The following OTUD7A variants were observed in gnomAD, a reference collection of about 807,000 sequenced individuals.
OTUD7A encodes OTU deubiquitinase 7A.
Under a neutral mutation model 65.7 loss-of-function variants are expected in OTUD7A, and 12 were observed. The ratio of observed to expected loss-of-function variants is 0.18; its 90% CI spans 0.12 to 0.30. The LOEUF is 0.30. OTUD7A is among the 10% of genes least tolerant of loss of function. The pLI, the probability that OTUD7A is intolerant of heterozygous loss-of-function variation, is 1.00. For synonymous variants in OTUD7A, 641 were observed against 586.3 expected, an observed-to-expected ratio of 1.09 and a Z score of -1.35; for missense variants, 1,148 against 1,304.8, an observed-to-expected ratio of 0.88 and a Z score of 1.85.
intron 3 of OTUD7A, among the ~76,000 whole-genome samples, chr15:31,643,132 C>G (rs1277092416): frequency 8.8e-6 from 1 of 113,188 alleles, no homozygotes; most frequent in Non-Finnish European, 2.0e-5. Flanking sequence ...CCACAGCTCA[C>G]AGATGCTTTA....
At chr15:31,848,450 T>TAA (rs200760504) in intron 1 of OTUD7A, among the ~76,000 whole-genome samples, 70 of 151,524 alleles carry the variant, frequency 4.6e-4, no homozygotes, top group African/African-American at 1.6e-3. Flanking sequence ...CTTTTTATTT[T>TAA]TAAAAAAAAA....
rs141165987 is a variant in OTUD7A at position 31,695,047 on chromosome 15, G to A, written c.-99-37970C>T. On this transcript the variant is annotated intron_variant, in intron 1 of 12. Coordinates refer to ENST00000307050, the MANE Select transcript of OTUD7A (RefSeq NM_001382637.1). ...TTTTTAGTAGAGACGGGGTTTCACCGTGTTAGCCAGGATGGTCTCGATCCC... is the reference window on the plus strand; with the variant it reads ...TTTTTAGTAGAGACGGGGTTTCACCATGTTAGCCAGGATGGTCTCGATCCC... 6.6e-3 allele frequency among the ~76,000 whole-genome samples: 1,002 copies of A among 152,116 alleles called. 11 individuals are homozygous for A. Among genetic ancestry groups the A allele is most frequent in the African/African-American group, 0.023 (971 of 41,492 alleles).
chr15:31,632,135 G>A (rs545097144), intron 3 of OTUD7A, among the ~76,000 whole-genome samples: 5 of 152,188 alleles, frequency 3.3e-5, no homozygotes, highest in Non-Finnish European at 7.3e-5. Flanking sequence ...CTGGTGAGAA[G>A]GTGCGTTCCT....
chr15:31,697,322 T>C (rs1382773714), intron 1 of OTUD7A, among the ~76,000 whole-genome samples: 1 of 140,730 alleles, frequency 7.1e-6, no homozygotes, highest in African/African-American at 2.7e-5. Flanking sequence ...ATGAATGATG[T>C]TTCTCAACCT....
intron 1 of OTUD7A, among the ~76,000 whole-genome samples, chr15:31,740,599 G>T (rs1009360320): frequency 6.6e-6 from 1 of 151,848 alleles, no homozygotes; most frequent in African/African-American, 2.4e-5. Flanking sequence ...GTTTAAAAAA[G>T]AATCCAAAAG....
intron 3 of OTUD7A, among the ~76,000 whole-genome samples, chr15:31,626,437 T>C (rs1890954255): frequency 2.0e-5 from 3 of 152,186 alleles, no homozygotes; most frequent in Admixed American, 2.0e-4. Context: ...TTTCATCTTT[T>C]GCATGTTTGA....
intron 1 of OTUD7A, chr15:31,766,348 G>A (rs117120358): frequency 0.02 from 32,126 of 1,594,238 alleles, 430 homozygotes; most frequent in Non-Finnish European, 0.024. Context: ...CTATGATTTG[G>A]TGGGGGAAAT....
Position 31,538,828 on chromosome 15 carries a change from GAA to G in OTUD7A, c.551-8022_551-8021del, listed in dbSNP as rs575218128. On this transcript the variant is annotated intron_variant, in intron 5 of 12. Transcript: ENST00000307050. ...AAGAAAAACGAGTAAAGATCAAGCTGAAGTTCCCTCTATTTGCCTCCCCCATT... is the reference window on the plus strand; with the variant it reads ...AAGAAAAACGAGTAAAGATCAAGCTGGTTCCCTCTATTTGCCTCCCCCATT... 2.2e-3 allele frequency among the ~76,000 whole-genome samples: 335 copies of G among 152,268 alleles called. 5 individuals carry two copies. Among genetic ancestry groups the G allele is most frequent in the African/African-American group, 7.7e-3 (319 of 41,556 alleles).
chr15:31,831,236 T>C (rs922279931), intron 1 of OTUD7A, among the ~76,000 whole-genome samples: 9 of 152,198 alleles, frequency 5.9e-5, no homozygotes, highest in African/African-American at 2.2e-4. Flanking sequence ...TGCCTTAGCA[T>C]AGGCAAAAGT....
At chr15:31,631,269 T>C (rs1465485184) in intron 3 of OTUD7A, among the ~76,000 whole-genome samples, 2 of 152,224 alleles carry the variant, frequency 1.3e-5, no homozygotes, top group Non-Finnish European at 2.9e-5. Flanking sequence ...TAAGAGCTCT[T>C]TTAGGGCAGA....
At position 31,498,854 on chromosome 15, in the gene OTUD7A, C is replaced by T. The variant is rs2041423519; in HGVS notation, c.1171+2836G>A. ...CAAAGCCTGGGCCACTGAGGTTGCC[C>T]ATAGCTGACCAGTCCCACCAGCTCC... On this transcript the variant is annotated intron_variant, in intron 10 of 12. Coordinates refer to ENST00000307050, the MANE Select transcript of OTUD7A (RefSeq NM_001382637.1). The surrounding 1 kb of genome is among the most constrained non-coding windows in gnomAD (Gnocchi z 4.2). Among the ~76,000 whole-genome samples, 2 of 152,354 alleles carry T rather than the reference C, an allele frequency of 1.3e-5. No homozygotes were observed. Among genetic ancestry groups the T allele is most frequent in the Admixed American group, 6.5e-5 (1 of 15,304 alleles).
At chr15:31,622,593 A>G (rs12916915) in intron 3 of OTUD7A, among the ~76,000 whole-genome samples, 43,520 of 151,892 alleles carry the variant, frequency 0.29, 7,335 homozygotes, top group African/African-American at 0.47. Context: ...CGTAGTTCTC[A>G]TGCCATGGTT....
intron 1 of OTUD7A, among the ~76,000 whole-genome samples, chr15:31,866,294 C>T (rs1181588879): frequency 6.6e-6 from 1 of 152,220 alleles, no homozygotes; most frequent in East Asian, 1.9e-4. Context: ...GCTGTAGCTG[C>T]TGCATGGCCC....
intron 1 of OTUD7A, among the ~76,000 whole-genome samples, chr15:31,709,637 G>A (rs1187450493): frequency 5.9e-5 from 9 of 152,000 alleles, no homozygotes; most frequent in African/African-American, 2.2e-4. Flanking sequence ...GGCTGAGGGC[G>A]GGAAGAGACA....
At chr15:31,755,003 C>G (rs974845961) in intron 1 of OTUD7A, among the ~76,000 whole-genome samples, 1 of 147,328 alleles carries the variant, frequency 6.8e-6, no homozygotes, top group Non-Finnish European at 1.5e-5. Context: ...GTGAGAGAGA[C>G]AGAGAGAGAG....
intron 1 of OTUD7A, among the ~76,000 whole-genome samples, chr15:31,775,064 G>A (rs1449376794): frequency 6.7e-6 from 1 of 149,386 alleles, no homozygotes; most frequent in Non-Finnish European, 1.5e-5. Flanking sequence ...GCATGCACGT[G>A]TGTACGCTCC....
At chr15:31,861,504 G>T (rs116478849) in intron 1 of OTUD7A, among the ~76,000 whole-genome samples, 2 of 152,270 alleles carry the variant, frequency 1.3e-5, no homozygotes, top group South Asian at 4.1e-4. Flanking sequence ...AGCTTTGGTA[G>T]AAGAAACCTT....
At chr15:31,869,360 G>A (rs1454824335) in intron 1 of OTUD7A, among the ~76,000 whole-genome samples, 1 of 152,240 alleles carries the variant, frequency 6.6e-6, no homozygotes, top group Non-Finnish European at 1.5e-5. Context: ...CCCTGGAGGA[G>A]GAGGAGGAGG....
At chr15:31,728,075 C>T (rs1566991268) in intron 1 of OTUD7A, among the ~76,000 whole-genome samples, 1 of 152,210 alleles carries the variant, frequency 6.6e-6, no homozygotes, top group Non-Finnish European at 1.5e-5. Context: ...TTAGTCTCCA[C>T]TTGGATACCT....
Sources: allele counts gnomAD v4.1 joint callset (sites outside exome capture counted in the v4.1 genomes callset), GRCh38; gene constraint gnomAD v4.1.1; non-coding constraint Gnocchi (gnomAD v3.1); transcripts MANE v1.5; gene names NCBI Gene and HGNC (gene_info 2026-07-23, HGNC 2026-07-21).